The following DAB1 variants were observed in gnomAD, a reference collection of about 807,000 sequenced individuals.
The protein encoded by DAB1 is DAB adaptor protein 1.
In DAB1, 15 loss-of-function variants were observed where a neutral mutation model predicts 64.6. That is an observed-to-expected ratio of 0.23 (90% confidence interval 0.16 to 0.36). DAB1 has a LOEUF of 0.36. DAB1 is among the 10% of genes least tolerant of loss of function. The pLI, the probability that DAB1 is intolerant of heterozygous loss-of-function variation, is 1.00. For synonymous variants in DAB1, 235 were observed against 251.9 expected, an observed-to-expected ratio of 0.93 and a Z score of 0.64; for missense variants, 596 against 706.7, an observed-to-expected ratio of 0.84 and a Z score of 1.78.
chr1:57,004,802 AC>A (rs1394254756), intron 14 of DAB1, among the ~76,000 whole-genome samples: 1 of 151,994 alleles, frequency 6.6e-6, no homozygotes, highest in Non-Finnish European at 1.5e-5. Context: ...AGCCAGAAAG[AC>A]CCCAGAAATC....
At chr1:58,300,608 GAAAGAGAGA>G (rs1662116810) in intron 4 of DAB1, among the ~76,000 whole-genome samples, 1 of 35,334 alleles carries the variant, frequency 2.8e-5, no homozygotes. Flanking sequence ...AAGAAAGAAA[GAAAGAGAGA>G]GAGAGAGAGA....
intron 3 of DAB1, among the ~76,000 whole-genome samples, chr1:58,462,317 G>A (rs375698933): frequency 8.6e-5 from 13 of 151,850 alleles, no homozygotes; most frequent in East Asian, 5.8e-4. Flanking sequence ...TAGTAGAGAC[G>A]GGGTTTCACC....
At chr1:58,136,043 C>T (rs1288077464) in intron 5 of DAB1, among the ~76,000 whole-genome samples, 1 of 152,036 alleles carries the variant, frequency 6.6e-6, no homozygotes, top group Non-Finnish European at 1.5e-5. Flanking sequence ...ATCGCTGCAA[C>T]AAAGTGTTTG....
In DAB1 at chr1:57,084,931, G is replaced by T. The variant is rs185036049; in HGVS notation, c.307-12517C>A. Among the ~76,000 whole-genome samples, 30 of 152,176 alleles carry T rather than the reference G, an allele frequency of 2.0e-4. No individual in the cohort carries two copies. In the East Asian group the frequency reaches 5.4e-3, roughly 27 times the overall value. On this transcript the variant is annotated intron_variant, in intron 4 of 14. Transcript: ENST00000371236. ...TCAATTGTTTCTCTTACACTAATTG[G>T]CCCCATGATTTGTTAGGCTGTTGCC... is the stretch of plus-strand genomic sequence containing the variant.
At chr1:57,780,303 A>C (rs896457507) in intron 6 of DAB1, among the ~76,000 whole-genome samples, 1 of 152,182 alleles carries the variant, frequency 6.6e-6, no homozygotes, top group African/African-American at 2.4e-5. Context: ...AGTTATCCTC[A>C]GGAGATGGCC....
intron 7 of DAB1, among the ~76,000 whole-genome samples, chr1:57,522,945 G>C (rs1644546872): frequency 1.3e-5 from 2 of 152,324 alleles, no homozygotes; most frequent in East Asian, 3.9e-4. Flanking sequence ...ACTTACACCA[G>C]TGATTTGCCA....
At chr1:57,194,858 C>A (rs180916180) in intron 2 of DAB1, among the ~76,000 whole-genome samples, 98 of 152,292 alleles carry the variant, frequency 6.4e-4, no homozygotes, top group Admixed American at 1.5e-3. Context: ...CTGGCCACAG[C>A]AATCAGACAC....
intron 5 of DAB1, among the ~76,000 whole-genome samples, chr1:58,045,371 C>G (rs1438755370): frequency 6.6e-6 from 1 of 152,200 alleles, no homozygotes; most frequent in East Asian, 1.9e-4. Context: ...CGGTCTGCAG[C>G]TTCACGCAGC....
At chr1:58,376,584 G>C (rs1181759720) in intron 3 of DAB1, among the ~76,000 whole-genome samples, 1 of 147,466 alleles carries the variant, frequency 6.8e-6, no homozygotes, top group Non-Finnish European at 1.5e-5. Context: ...TTGCTGAGGA[G>C]AGCTTTACTT....
At chr1:57,885,476 C>G (rs943474441), upstream of DAB1, among the ~76,000 whole-genome samples, 3 of 152,060 alleles carry the variant, frequency 2.0e-5, no homozygotes, top group African/African-American at 4.8e-5. Context: ...AATAGGAAAC[C>G]TGAGGGGTGT....
chr1:58,160,432 A>T (rs922529826), intron 4 of DAB1, among the ~76,000 whole-genome samples: 2 of 152,172 alleles, frequency 1.3e-5, no homozygotes, highest in African/African-American at 4.8e-5. Flanking sequence ...CCACTCAAGA[A>T]AAGCAAATCC....
chr1:57,475,607 C>T (rs1208977219), intron 7 of DAB1, among the ~76,000 whole-genome samples: 2 of 152,206 alleles, frequency 1.3e-5, no homozygotes, highest in East Asian at 3.9e-4. Flanking sequence ...GCACATTATC[C>T]TAGGCAGCTC....
chr1:57,026,086 G>T, intron 9 of DAB1, 43 bp from the exon 10 acceptor site: 8 of 1,470,094 alleles, frequency 5.4e-6, no homozygotes, highest in Non-Finnish European at 7.6e-6. Flanking sequence ...AAAGAAAGCT[G>T]GTGCTGCTGG....
intron 5 of DAB1, among the ~76,000 whole-genome samples, chr1:58,036,712 C>A (rs916568355): frequency 6.6e-6 from 1 of 152,038 alleles, no homozygotes; most frequent in African/African-American, 2.4e-5. Flanking sequence ...GGCAGAGGTA[C>A]AGAGGGAGCA....
intron 5 of DAB1, among the ~76,000 whole-genome samples, chr1:57,996,739 C>G (rs1009137304): frequency 6.6e-6 from 1 of 152,160 alleles, no homozygotes; most frequent in Non-Finnish European, 1.5e-5. Context: ...GTGGTCTTAT[C>G]AAATGTTGGG....
At position 57,194,195 on chromosome 1, in the gene DAB1, C is replaced by T. The variant is rs138944832; in HGVS notation, c.68-48766G>A. Among the ~76,000 whole-genome samples the T allele has an allele frequency of 3.8e-3, 581 of 152,280 alleles. 2 individuals are homozygous for T. The highest frequency in any genetic ancestry group is 0.013 in the African/African-American group (559 of 41,574). On this transcript the variant is annotated intron_variant, in intron 2 of 14. Transcript: ENST00000371236. ...TGAACCCCACACCCAGAGTAACTGA[C>T]CATTACGGCTGTTTTCTATTGTGTT...
intron 3 of DAB1, among the ~76,000 whole-genome samples, chr1:58,352,196 A>G (rs1184318323): frequency 1.3e-5 from 2 of 152,004 alleles, no homozygotes; most frequent in African/African-American, 4.8e-5. Context: ...CTCTCCAGAA[A>G]TCCCTATTTT....
intron 6 of DAB1, among the ~76,000 whole-genome samples, chr1:57,792,950 A>C (rs1442004900): frequency 6.6e-6 from 1 of 152,222 alleles, no homozygotes; most frequent in Non-Finnish European, 1.5e-5. Context: ...ATGGGTATGA[A>C]TCACATTGTT....
chr1:58,096,243 C>G (rs1650972495), intron 5 of DAB1, among the ~76,000 whole-genome samples: 2 of 152,262 alleles, frequency 1.3e-5, no homozygotes, highest in African/African-American at 4.8e-5. Flanking sequence ...GTCTCTGCCT[C>G]TGGCAGTATT....
Sources: allele counts gnomAD v4.1 joint callset (sites outside exome capture counted in the v4.1 genomes callset), GRCh38; gene constraint gnomAD v4.1.1; transcripts MANE v1.5; gene names NCBI Gene and HGNC (gene_info 2026-07-23, HGNC 2026-07-21).